Variants in CDH18 observed in about 807,000 individuals in gnomAD.
CDH18 encodes the protein cadherin 18, also known as cadherin-18.
In CDH18, 31 loss-of-function variants were observed where a neutral mutation model predicts 67.9. The ratio of observed to expected loss-of-function variants is 0.46; its 90% CI spans 0.34 to 0.62. The LOEUF (loss-of-function observed/expected upper bound fraction) is 0.62, where lower values mean the gene tolerates loss of function less well. Ranked by LOEUF, CDH18 falls within the 20% of genes least tolerant of loss-of-function variation. The pLI, the probability that CDH18 is intolerant of heterozygous loss-of-function variation, is 0.01. For synonymous variants in CDH18, 362 were observed against 347.2 expected (o/e 1.04, Z -0.48); for missense variants, 890 against 975.5 (o/e 0.91, Z 1.17).
chr5:20,521,041 T>G (rs1203755577), intron 1 of CDH18, among the ~76,000 whole-genome samples: 2 of 152,096 alleles, frequency 1.3e-5, no homozygotes, highest in African/African-American at 2.4e-5. Context: ...AAAAAAATTT[T>G]AATTAGTAAA....
intron 1 of CDH18, among the ~76,000 whole-genome samples, chr5:20,348,176 C>A (rs963341873): frequency 6.6e-6 from 1 of 152,150 alleles, no homozygotes; most frequent in Non-Finnish European, 1.5e-5. Flanking sequence ...TAGACAATAT[C>A]TTTATCCCAC....
At chr5:20,179,699 T>C (rs777131920) in intron 2 of CDH18, among the ~76,000 whole-genome samples, 1 of 152,056 alleles carries the variant, frequency 6.6e-6, no homozygotes, top group African/African-American at 2.4e-5. Flanking sequence ...CAAGTAAAAG[T>C]TTGATGCAAT....
At chr5:19,949,421 A>G (rs1230591644) in intron 2 of CDH18, among the ~76,000 whole-genome samples, 2 of 152,122 alleles carry the variant, frequency 1.3e-5, no homozygotes, top group Non-Finnish European at 2.9e-5. Flanking sequence ...AAAAAGCTTA[A>G]CAATATATAA....
At chr5:19,723,253 G>A (rs1003000061) in intron 4 of CDH18, among the ~76,000 whole-genome samples, 36 of 151,708 alleles carry the variant, frequency 2.4e-4, no homozygotes, top group Non-Finnish European at 4.6e-4. Context: ...TGGGCAACAA[G>A]AGCGAAACTC....
intron 2 of CDH18, among the ~76,000 whole-genome samples, chr5:20,036,272 A>C (rs535361638): frequency 1.5e-4 from 23 of 152,066 alleles, no homozygotes; most frequent in African/African-American, 5.3e-4. Context: ...CTGTATTAGT[A>C]TTTTCATGTG....
intron 1 of CDH18, among the ~76,000 whole-genome samples, chr5:20,280,477 G>A (rs930478249): frequency 7.2e-5 from 11 of 152,082 alleles, no homozygotes; most frequent in East Asian, 5.8e-4. Flanking sequence ...TTGCCCTTGC[G>A]ATAGTTTGCT....
intron 2 of CDH18, among the ~76,000 whole-genome samples, chr5:20,052,883 T>C (rs992678424): frequency 6.6e-6 from 1 of 152,104 alleles, no homozygotes; most frequent in Non-Finnish European, 1.5e-5. Context: ...GTATCTAATT[T>C]ATACTTCAAC....
intron 2 of CDH18, among the ~76,000 whole-genome samples, chr5:20,157,375 C>G (rs1751611629): frequency 6.6e-6 from 1 of 152,030 alleles, no homozygotes; most frequent in South Asian, 2.1e-4. Flanking sequence ...TGCGAGTGGA[C>G]TATGAAGAAT....
intron 5 of CDH18, among the ~76,000 whole-genome samples, chr5:19,636,032 C>T (rs1005770726): frequency 1.3e-5 from 2 of 152,070 alleles, no homozygotes; most frequent in African/African-American, 4.8e-5. Context: ...CCATAAACCA[C>T]TATTTGCTGA....
intron 9 of CDH18, among the ~76,000 whole-genome samples, chr5:19,529,825 T>G (rs1391848732): frequency 6.6e-6 from 1 of 152,156 alleles, no homozygotes; most frequent in African/African-American, 2.4e-5. Context: ...CTGTGTTTAC[T>G]CATGGATAAA....
intron 2 of CDH18, among the ~76,000 whole-genome samples, chr5:20,141,656 G>C (rs1349122714): frequency 6.6e-6 from 1 of 152,134 alleles, no homozygotes; most frequent in Non-Finnish European, 1.5e-5. Context: ...TCAAAATATA[G>C]ATTGAGGTTT....
intron 2 of CDH18, among the ~76,000 whole-genome samples, chr5:20,014,540 A>C (rs1737720665): frequency 6.6e-6 from 1 of 152,164 alleles, no homozygotes; most frequent in Admixed American, 6.5e-5. Context: ...CAGCTGTATA[A>C]TAAGAAAGCA....
chr5:20,064,242 C>G (rs1167887345), intron 2 of CDH18, among the ~76,000 whole-genome samples: 1 of 152,058 alleles, frequency 6.6e-6, no homozygotes, highest in Non-Finnish European at 1.5e-5. Flanking sequence ...TGGAAAACAC[C>G]ATGGTTGAAA....
At chr5:19,797,217 T>C (rs533474088) in intron 3 of CDH18, among the ~76,000 whole-genome samples, 2 of 152,076 alleles carry the variant, frequency 1.3e-5, no homozygotes, top group South Asian at 4.1e-4. Flanking sequence ...TGTAAATTTT[T>C]TTTTATAAAA....
rs530996002 is a variant in CDH18, at chr5:20,124,363, C to T, written c.-518+131081G>A. 2.6e-5 allele frequency among the ~76,000 whole-genome samples: 4 copies of T among 152,274 alleles called. No homozygotes were observed. In the East Asian group the frequency reaches 7.7e-4, roughly 29 times the overall value. On this transcript the variant is annotated intron_variant, in intron 2 of 14. Coordinates refer to the CDH18 transcript ENST00000507958. Reference sequence around the variant, plus strand: ...TCGCGCTGCAAACAAGCACAGCATGCCTTTCCATCTGAGGAAGCCAGATTT... The same window carrying T: ...TCGCGCTGCAAACAAGCACAGCATGTCTTTCCATCTGAGGAAGCCAGATTT...
chr5:19,932,565 A>G (rs943105766), intron 2 of CDH18, among the ~76,000 whole-genome samples: 1 of 151,470 alleles, frequency 6.6e-6, no homozygotes, highest in African/African-American at 2.4e-5. Flanking sequence ...CCCTCTCCCC[A>G]CAATACACAC....
chr5:19,578,817 T>C (rs544844669), intron 7 of CDH18, among the ~76,000 whole-genome samples: 3 of 151,954 alleles, frequency 2.0e-5, no homozygotes, highest in Non-Finnish European at 4.4e-5. Context: ...TTTCTGTGAT[T>C]TGAGAATTCC....
chr5:20,381,520 A>G (rs1280381577), intron 1 of CDH18, among the ~76,000 whole-genome samples: 1 of 152,112 alleles, frequency 6.6e-6, no homozygotes, highest in Admixed American at 6.5e-5. Flanking sequence ...ACCTTACTAT[A>G]TATTTAACTT....
rs760048970 is a variant in CDH18 at position 19,483,571 on chromosome 5, A to T, written c.1631-19T>A. On this transcript the variant is annotated intron_variant, in intron 11 of 12. Transcript: ENST00000382275. ...GTGTTATCTATGATAGACATAAGCA[A>T]AACAAAATACACTTAGTCAAGCCGC... 6.3e-7 allele frequency: 1 copy of T among 1,576,772 alleles called. No homozygotes were observed. The highest frequency in any genetic ancestry group is 8.6e-7 in the Non-Finnish European group (1 of 1,159,210).
Sources: gnomAD v4.1 joint callset for allele counts (sites outside exome capture counted in the v4.1 genomes callset) on GRCh38, gnomAD v4.1.1 for gene constraint, MANE v1.5 for transcripts, NCBI Gene and HGNC (gene_info 2026-07-23, HGNC 2026-07-21) for gene names.